MAPK10: variants seen among roughly 807,000 people sequenced by gnomAD.
MAPK10 encodes the protein mitogen-activated protein kinase 10.
Under a neutral mutation model 59.3 loss-of-function variants are expected in MAPK10, and 25 were observed. That is an observed-to-expected ratio of 0.42 (90% confidence interval 0.31 to 0.59). The LOEUF is 0.59. Ranked by LOEUF, MAPK10 falls within the 20% of genes least tolerant of loss-of-function variation. The probability of loss-of-function intolerance (pLI) is 0.15; values close to 1 mark genes in which losing one functional copy is unlikely to be tolerated. For synonymous variants in MAPK10, 190 were observed against 200.5 expected, an observed-to-expected ratio of 0.95 and a Z score of 0.44; for missense variants, 351 against 568.9, an observed-to-expected ratio of 0.62 and a Z score of 3.90.
intron 2 of MAPK10, among the ~76,000 whole-genome samples, chr4:86,212,420 AC>A (rs1371879663): frequency 2.0e-5 from 3 of 151,936 alleles, no homozygotes; most frequent in Non-Finnish European, 4.4e-5. Context: ...TACTCAGGAG[AC>A]TGAGGCAGGA....
chr4:86,384,083 A>G (rs925389743), intron 1 of MAPK10: 1 of 152,202 alleles, frequency 6.6e-6, no homozygotes, highest in Non-Finnish European at 1.5e-5. Flanking sequence ...TTGGAGAAAC[A>G]TAAAATCTCT....
intron 9 of MAPK10, among the ~76,000 whole-genome samples, chr4:86,075,381 T>G (rs1394401587): frequency 6.6e-6 from 1 of 152,174 alleles, no homozygotes; most frequent in Non-Finnish European, 1.5e-5. Flanking sequence ...TCTGAAGCCT[T>G]CTTCTCTCAG....
At chr4:86,458,449 G>A (rs1025465397) in intron 1 of MAPK10, among the ~76,000 whole-genome samples, 15 of 151,610 alleles carry the variant, frequency 9.9e-5, no homozygotes, top group South Asian at 6.2e-4. Context: ...GCAACAGAGC[G>A]AAACTCCATC....
intron 1 of MAPK10, among the ~76,000 whole-genome samples, chr4:86,518,359 G>A (rs1026861966): frequency 1.6e-4 from 24 of 152,058 alleles, no homozygotes; most frequent in Non-Finnish European, 3.1e-4. Flanking sequence ...GTATATTTCC[G>A]GGAATTTATC....
intron 11 of MAPK10, among the ~76,000 whole-genome samples, chr4:86,040,545 G>A (rs186750615): frequency 7.9e-5 from 12 of 152,188 alleles, no homozygotes; most frequent in Middle Eastern, 3.4e-3. Context: ...AAGACAAAGG[G>A]GTAGGAAGTA....
chr4:86,344,540 A>G (rs1726967928), intron 2 of MAPK10, among the ~76,000 whole-genome samples: 2 of 141,844 alleles, frequency 1.4e-5, no homozygotes, highest in Non-Finnish European at 1.5e-5. Flanking sequence ...AGTGAAATTT[A>G]TCTTTGTTTC....
At chr4:86,113,721 C>T (rs778711199) in intron 4 of MAPK10, among the ~76,000 whole-genome samples, 18 of 151,958 alleles carry the variant, frequency 1.2e-4, no homozygotes, top group East Asian at 1.9e-4. Context: ...AGTATCTCAC[C>T]GGGGTTCTTT....
intron 1 of MAPK10, among the ~76,000 whole-genome samples, chr4:86,399,079 T>C (rs1743350859): frequency 6.6e-6 from 1 of 152,214 alleles, no homozygotes; most frequent in Non-Finnish European, 1.5e-5. Flanking sequence ...CATGCGTATG[T>C]CTTTTTGGTA....
chr4:86,144,165 T>C (rs936886969), intron 4 of MAPK10, among the ~76,000 whole-genome samples: 1 of 152,208 alleles, frequency 6.6e-6, no homozygotes, highest in Non-Finnish European at 1.5e-5. Context: ...GCACATGCAC[T>C]TATAAATTGA....
chr4:86,195,027 G>C (rs1013598387), intron 2 of MAPK10, among the ~76,000 whole-genome samples: 1 of 151,730 alleles, frequency 6.6e-6, no homozygotes, highest in Non-Finnish European at 1.5e-5. Flanking sequence ...AAAGTATTAG[G>C]CACCATATTA....
intron 1 of MAPK10, among the ~76,000 whole-genome samples, chr4:86,585,463 T>TA: frequency 6.6e-6 from 1 of 152,326 alleles, no homozygotes; most frequent in Middle Eastern, 3.4e-3. Flanking sequence ...AGTGTTTATG[T>TA]AAATAAGACA....
At chr4:86,099,616 TAGAG>T (rs1476128071) in intron 8 of MAPK10, 8 of 152,196 alleles carry the variant, frequency 5.3e-5, no homozygotes, top group African/African-American at 1.9e-4. Context: ...TCCATGGACT[TAGAG>T]AAGTCAAAAA....
At chr4:86,128,055 T>C (rs2060357139) in intron 4 of MAPK10, among the ~76,000 whole-genome samples, 1 of 152,092 alleles carries the variant, frequency 6.6e-6, no homozygotes, top group Non-Finnish European at 1.5e-5. Context: ...CAGGCTGTCA[T>C]TAGCTTAGAC....
chr4:86,381,005 CATT>C, intron 1 of MAPK10, among the ~76,000 whole-genome samples: 1 of 152,236 alleles, frequency 6.6e-6, no homozygotes, highest in East Asian at 1.9e-4. Context: ...GTTGCAAACT[CATT>C]GTTCTAGACT....
At chr4:86,355,301 T>C (rs1185343703) in intron 1 of MAPK10, among the ~76,000 whole-genome samples, 1 of 152,044 alleles carries the variant, frequency 6.6e-6, no homozygotes, top group East Asian at 1.9e-4. Context: ...ATAGGCCTCC[T>C]CTTTACCCCA....
chr4:86,182,451 T>C (rs898888204), intron 3 of MAPK10, among the ~76,000 whole-genome samples: 2 of 152,136 alleles, frequency 1.3e-5, no homozygotes, highest in African/African-American at 4.8e-5. Flanking sequence ...CTGGACACAG[T>C]TAATCATTAA....
chr4:86,212,094 G>A (rs1477607899), intron 2 of MAPK10, among the ~76,000 whole-genome samples: 1 of 152,024 alleles, frequency 6.6e-6, no homozygotes, highest in African/African-American at 2.4e-5. Context: ...GTTCCTCCTT[G>A]GTAATTGCTT....
In MAPK10 at chr4:86,015,069, TTTTTAACAA is replaced by T. The variant is rs1199012608; in HGVS notation, c.*2150_*2158del. On this transcript the variant is annotated 3_prime_UTR_variant, in exon 14 of 14. Transcript: ENST00000641462. The stretch of plus-strand genomic sequence containing the variant: ...GGGAGCTCAAGTGACTGAGGAGGCA[TTTTTAACAA>T]TCAGGTTATCTGCAATATTAACCAG... 6.7e-6 allele frequency: 1 copy of T among 149,792 alleles called. No homozygotes were observed. The highest frequency in any genetic ancestry group is 1.5e-5 in the Non-Finnish European group (1 of 67,710). The allele number at this position is 149,792 out of a possible 1,614,324, so 9.3% of individuals were successfully genotyped here.
chr4:86,113,731 T>C (rs1407983680), intron 4 of MAPK10, among the ~76,000 whole-genome samples: 3 of 152,182 alleles, frequency 2.0e-5, no homozygotes, highest in Admixed American at 1.3e-4. Context: ...CGGGGTTCTT[T>C]GGATTTCCTG....
Sources: allele counts gnomAD v4.1 joint callset (sites outside exome capture counted in the v4.1 genomes callset), GRCh38; gene constraint gnomAD v4.1.1; transcripts MANE v1.5; gene names NCBI Gene and HGNC (gene_info 2026-07-23, HGNC 2026-07-21).